FLG: variants seen among roughly 807,000 people sequenced by gnomAD.
FLG encodes the protein filaggrin.
A neutral mutation model predicts 3.8 loss-of-function variants in FLG; 6 were observed. The observed-to-expected ratio is 1.60, with a 90% confidence interval of 0.87 to 3.15. The LOEUF is 3.15. Among genes scored for constraint, FLG ranks in the 30% most tolerant of loss-of-function variants. The probability of loss-of-function intolerance (pLI) is 0.00; values close to 1 mark genes in which losing one functional copy is unlikely to be tolerated. For missense variants in FLG, 7,595 were observed against 5,050.9 expected (o/e 1.50, Z -15.27); for synonymous variants, 2,551 against 1,931.6 (o/e 1.32, Z -8.41).
In FLG at chr1:152,310,649, G is replaced by C. The variant is rs761586008; in HGVS notation, c.4237C>G (p.His1413Asp). 3.1e-6 allele frequency: 5 copies of C among 1,613,810 alleles called. No individual in the cohort carries two copies. The African/African-American group carries it at 5.3e-5, about 17-fold the overall frequency. Residue 1413 changes from histidine to aspartate, a missense_variant, in exon 3 of 3, where the codon CAC (histidine) becomes GAC (aspartate). His to Asp is a moderately conservative substitution (Grantham distance 81, BLOSUM62 -1). Transcript: ENST00000368799. ...EDSDTQSVSA[H>D]GQAGPHQQSH... ...TGCTGATGGGGCCCAGCTTGTCCGT[G>C]GGCTGACACTGACTGTGTGTCTGAG...
chr1:152,315,230 T>G, intron 2 of FLG, 89 bp downstream of exon 2: 1 of 1,237,844 alleles, frequency 8.1e-7, no homozygotes, highest in South Asian at 1.3e-5. Context: ...TTAAGAGAAA[T>G]AGTTCACAAA....
rs761914832 is a variant in FLG, at chr1:152,313,947, G to A, written c.939C>T (p.His313=). 1.6e-5 allele frequency: 26 copies of A among 1,613,558 alleles called. No individual in the cohort carries two copies. Among genetic ancestry groups the A allele is most frequent in the Non-Finnish European group, 2.1e-5 (25 of 1,179,900 alleles). ...GATGGTTTCTGGAAGCCGACCCAGA[G>A]TGCCTCTCAGAGTCTTCTGAGTGTC... is the stretch of plus-strand genomic sequence containing the variant. ...SEGHSEDSER[H]SGSASRNHHG... is the part of the protein sequence containing the mutation. The change falls in exon 3 of 3, where the codon CAC becomes CAT. Residue 313 remains histidine (H), a synonymous_variant. Coordinates refer to ENST00000368799, the MANE Select transcript of FLG (RefSeq NM_002016.2).
rs1055862518 is a variant in FLG at position 152,314,483 on chromosome 1, T to G, written c.403A>C (p.Lys135Gln). 1.2e-6 allele frequency: 2 copies of G among 1,613,740 alleles called. No individual in the cohort carries two copies. The highest frequency in any genetic ancestry group is 1.7e-5 in the Admixed American group (1 of 60,014). Residue 135 changes from lysine to glutamine, a missense_variant, in exon 3 of 3, where the codon AAA becomes CAA. Physicochemically the swap from Lys to Gln is moderately conservative, Grantham distance 53. Coordinates refer to ENST00000368799, the MANE Select transcript of FLG (RefSeq NM_002016.2). ...PSSLERRNNR[K>Q]GNKGRSKSPR... ...CTCTTGGATCTTCCCTTATTCCCTTTTCTATTGTTTCTTCTTTCCAGACTT... is the reference window on the plus strand; with the variant it reads ...CTCTTGGATCTTCCCTTATTCCCTTGTCTATTGTTTCTTCTTTCCAGACTT...
chr1:152,313,020 G>A lies in FLG; in HGVS notation c.1866C>T (p.Ser622=), dbSNP rs1557880980. The part of the protein sequence containing the change: ...RTSRNQGSSV[S]QDSDSQGHSE... ...AGTGTCCCTGACTGTCACTGTCCTG[G>A]CTAACACTGGATCCCTGGTTCCTAC... Residue 622 remains serine, a synonymous_variant, in exon 3 of 3, where the codon AGC becomes AGT. Coordinates refer to ENST00000368799, the MANE Select transcript of FLG (RefSeq NM_002016.2). The A allele has an allele frequency of 2.5e-6, 4 of 1,613,942 alleles. No individual in the cohort carries two copies. The East Asian group carries it at 8.9e-5, about 36-fold the overall frequency.
chr1:152,309,800 C>T lies in FLG; in HGVS notation c.5086G>A (p.Gly1696Ser), dbSNP rs144090343. ...QQSADSSTDS[G>S]TGRRQDSSVV... ...GATGAATCTTGTCTGCGCCCAGTGCCTGAGTCTGTGGAGCTGTCTGCTGAC... is the reference window on the plus strand; with the variant it reads ...GATGAATCTTGTCTGCGCCCAGTGCTTGAGTCTGTGGAGCTGTCTGCTGAC... The change falls in exon 3 of 3, where the codon GGC becomes AGC. Residue 1696 changes from glycine to serine, a missense_variant. Coordinates refer to ENST00000368799, the MANE Select transcript of FLG (RefSeq NM_002016.2). The T allele has an allele frequency of 3.1e-6, 5 of 1,613,892 alleles. No homozygotes were observed. The African/African-American group carries it at 4.0e-5, about 13-fold the overall frequency.
chr1:152,310,354 C>T lies in FLG; in HGVS notation c.4532G>A (p.Arg1511Lys). The change falls in exon 3 of 3, where the codon AGG becomes AAG. Residue 1511 changes from arginine (R) to lysine (K), a missense_variant. Coordinates refer to ENST00000368799, the MANE Select transcript of FLG (RefSeq NM_002016.2). ...QGSYHEQSVD[R>K]SGHSGYHHSH... is the part of the protein sequence containing the mutation. ...GTGATGGTACCCTGAGTGTCCAGACCTATCTACTGATTGCTCGTGGTAGGA... is the reference window on the plus strand; with the variant it reads ...GTGATGGTACCCTGAGTGTCCAGACTTATCTACTGATTGCTCGTGGTAGGA... 1 of 1,613,930 alleles carries T rather than the reference C, an allele frequency of 6.2e-7. No individual in the cohort carries two copies. Among genetic ancestry groups the T allele is most frequent in the Non-Finnish European group, 8.5e-7 (1 of 1,180,014 alleles).
chr1:152,315,421 A>C lies in FLG; in HGVS notation c.36T>G (p.Ile12Met). Reference sequence around the variant, plus strand: ...TTTTTGAATATTGCTTGAAAAGATTAATTATGGCAAAGATGTTTTCCAGGA... The same window carrying C: ...TTTTTGAATATTGCTTGAAAAGATTCATTATGGCAAAGATGTTTTCCAGGA... Reference protein sequence around the residue: ...STLLENIFAIINLFKQYSKKD... With the variant: ...STLLENIFAIMNLFKQYSKKD... Residue 12 changes from isoleucine to methionine, a missense_variant, in exon 2 of 3, where the codon ATT (isoleucine) becomes ATG (methionine). Ile to Met is a conservative substitution (Grantham distance 10). Transcript: ENST00000368799. 1 of 1,612,076 alleles carries C rather than the reference A, an allele frequency of 6.2e-7. No individual in the cohort carries two copies. The highest frequency in any genetic ancestry group is 1.1e-5 in the South Asian group (1 of 90,730).
rs776663412 is a variant in FLG, at chr1:152,313,226, T to G, written c.1660A>C (p.Arg554=). ...SHHSHTTSQG[R]SDASHGQSGS... ...GACTGCCCATGGGAGGCATCAGACC[T>G]TCCCTGGGATGTGGTGTGGCTGTGA... The change falls in exon 3 of 3, where the codon AGG becomes CGG. Residue 554 remains arginine (R), a synonymous_variant. Transcript: ENST00000368799. 9.9e-6 allele frequency: 16 copies of G among 1,613,776 alleles called. No homozygotes were observed. In the African/African-American group the frequency reaches 1.1e-4, roughly 11 times the overall value.
chr1:152,307,471 C>A lies in FLG; in HGVS notation c.7415G>T (p.Gly2472Val), dbSNP rs1652054363. ...IHGHPGSSSG[G>V]RQGSHYEQLV... Reference sequence around the variant, plus strand: ...TTGCTCGTAGTGGGATCCCTGCCTTCCTCCACTGCTTGACCCCGGGTGTCC... The same window carrying A: ...TTGCTCGTAGTGGGATCCCTGCCTTACTCCACTGCTTGACCCCGGGTGTCC... The change falls in exon 3 of 3, where the codon GGA becomes GTA. Residue 2472 changes from glycine (G) to valine (V), a missense_variant. By Grantham distance (109) the Gly-to-Val change is moderately radical (BLOSUM62 -3). Transcript: ENST00000368799. 1 of 1,613,298 alleles carries A rather than the reference C, an allele frequency of 6.2e-7. No homozygotes were observed. The highest frequency in any genetic ancestry group is 8.5e-7 in the Non-Finnish European group (1 of 1,179,736).
In FLG at chr1:152,302,308, G is replaced by A. The variant is rs1176757525; in HGVS notation, c.*392C>T. 1 of 227,340 alleles carries A rather than the reference G, an allele frequency of 4.4e-6. No individual in the cohort carries two copies. The highest frequency in any genetic ancestry group is 2.3e-5 in the African/African-American group (1 of 42,720). 14.1% of individuals were successfully genotyped at this position (227,340 alleles called of 1,614,324 possible). ...ATGTGCTAGCCCTGATGTTGATATA[G>A]CCACTTTGGTATACAGAACTGTTTT... On this transcript the variant is annotated 3_prime_UTR_variant, in exon 3 of 3. Transcript: ENST00000368799.
rs1489671733 is a variant in FLG, at chr1:152,304,103, A to G, written c.10783T>C (p.Ser3595Pro). Residue 3595 changes from serine to proline, a missense_variant, in exon 3 of 3, where the codon TCC becomes CCC. By Grantham distance (74) the Ser-to-Pro change is moderately conservative (BLOSUM62 -1). Coordinates refer to ENST00000368799, the MANE Select transcript of FLG (RefSeq NM_002016.2). ...GCATGATGAGTGCCTGATTGTCTGG[A>G]GCTCTCTGCAGAGTGCCCGTGACCG... ...RAGHGHSAES[S>P]RQSGTHHAEN... 4 of 1,607,086 alleles carry G rather than the reference A, an allele frequency of 2.5e-6. No individual in the cohort carries two copies. The African/African-American group carries it at 4.1e-5, about 16-fold the overall frequency.
At position 152,312,611 on chromosome 1, in the gene FLG, T is replaced by G. The variant is rs1256793652; in HGVS notation, c.2275A>C (p.Thr759Pro). The G allele has an allele frequency of 6.2e-7, 1 of 1,613,674 alleles. No homozygotes were observed. The highest frequency in any genetic ancestry group is 8.5e-7 in the Non-Finnish European group (1 of 1,179,962). ...DSEGHSEDSD[T>P]QSVSGHGQAG... ...TGTCCATGGCCTGACACTGACTGTG[T>G]GTCTGAGTCTTCTGAATGTCCCTCA... Residue 759 changes from threonine to proline, a missense_variant, in exon 3 of 3, where the codon ACA (threonine) becomes CCA (proline). Coordinates refer to ENST00000368799, the MANE Select transcript of FLG (RefSeq NM_002016.2).
chr1:152,302,288 C>G lies in FLG; in HGVS notation c.*412G>C, dbSNP rs1190082451. The G allele has an allele frequency of 4.9e-6, 1 of 203,934 alleles. No individual in the cohort carries two copies. Among genetic ancestry groups the G allele is most frequent in the Admixed American group, 5.3e-5 (1 of 18,866 alleles). The allele number at this position is 203,934 out of a possible 1,614,324, so 12.6% of individuals were successfully genotyped here. On this transcript the variant is annotated 3_prime_UTR_variant, in exon 3 of 3. Coordinates refer to ENST00000368799, the MANE Select transcript of FLG (RefSeq NM_002016.2). Reference sequence around the variant, plus strand: ...TAGAAGGATAATAGAGAAAGATGTGCTAGCCCTGATGTTGATATAGCCACT... The same window carrying G: ...TAGAAGGATAATAGAGAAAGATGTGGTAGCCCTGATGTTGATATAGCCACT...
chr1:152,308,918 C>A lies in FLG; in HGVS notation c.5968G>T (p.Ala1990Ser), dbSNP rs776726540. The change falls in exon 3 of 3, where the codon GCT becomes TCT. Residue 1990 changes from alanine (A) to serine (S), a missense_variant. By Grantham distance (99) the Ala-to-Ser change is moderately conservative. Coordinates refer to ENST00000368799, the MANE Select transcript of FLG (RefSeq NM_002016.2). ...RHTESSSRGQAASSHEQARSS... is the reference protein window; with the variant it reads ...RHTESSSRGQSASSHEQARSS... Reference sequence around the variant, plus strand: ...CTTGCCTGTTCATGGGATGACGCAGCCTGTCCACGAGAGGAAGACTCTGTG... The same window carrying A: ...CTTGCCTGTTCATGGGATGACGCAGACTGTCCACGAGAGGAAGACTCTGTG... The A allele has an allele frequency of 4.3e-6, 7 of 1,614,034 alleles. No individual in the cohort carries two copies. Among genetic ancestry groups the A allele is most frequent in the South Asian group, 2.2e-5 (2 of 91,088 alleles).
rs531165708 is a variant in FLG at position 152,305,434 on chromosome 1, G to A, written c.9452C>T (p.Ala3151Val). ...TCTGGATCCTGACTGCCCACGGGAG[G>A]CATCAGACCTTCCCTGGGATGTGGT... The part of the protein sequence containing the change: ...SHTTSQGRSD[A>V]SRGQSGSRSA... The change falls in exon 3 of 3, where the codon GCC becomes GTC. Residue 3151 changes from alanine (A) to valine (V), a missense_variant. Transcript: ENST00000368799. 1.7e-5 allele frequency: 27 copies of A among 1,597,604 alleles called. No individual in the cohort carries two copies. The highest frequency in any genetic ancestry group is 1.7e-4 in the Middle Eastern group (1 of 5,870).
At position 152,305,548 on chromosome 1, in the gene FLG, T is replaced by C. The variant is rs770589633; in HGVS notation, c.9338A>G (p.His3113Arg). The C allele has an allele frequency of 6.6e-7, 1 of 1,517,584 alleles. No homozygotes were observed. Among genetic ancestry groups the C allele is most frequent in the South Asian group, 1.2e-5 (1 of 81,590 alleles). The allele number at this position is 1,517,584 out of a possible 1,614,324, so 94.0% of individuals were successfully genotyped here. A position where few individuals can be genotyped will look rare whatever the true frequency, so the allele number is the denominator to read the frequency against. Reference protein sequence around the residue: ...SQYGQDTIRGHPGSSRGGRQG... With the variant: ...SQYGQDTIRGRPGSSRGGRQG... ...CCTTCCTCCTCTGCTTGACCCCGGG[T>C]GTCCACGAATGGTGTCCTGACCGTA... Residue 3113 changes from histidine (H) to arginine (R), a missense_variant, in exon 3 of 3, where the codon CAC becomes CGC. Coordinates refer to ENST00000368799, the MANE Select transcript of FLG (RefSeq NM_002016.2).
rs146466242 is a variant in FLG, at chr1:152,302,822, T to C, written c.12064A>G (p.Lys4022Glu). ...SDICKASAFG[K>E]DHPRYYATYI... ...GTTGCATAATACCTTGGATGATCTT[T>C]ACCAAACGCACTTGCTTTACAGATA... The change falls in exon 3 of 3, where the codon AAA (lysine) becomes GAA (glutamate). Residue 4022 changes from lysine (K) to glutamate (E), a missense_variant. Coordinates refer to ENST00000368799, the MANE Select transcript of FLG (RefSeq NM_002016.2). 1.9e-6 allele frequency: 3 copies of C among 1,614,234 alleles called. No individual in the cohort carries two copies. The Admixed American group carries it at 5.0e-5, about 27-fold the overall frequency.
In FLG at chr1:152,309,146, G is replaced by C. The variant is rs777116132; in HGVS notation, c.5740C>G (p.Gln1914Glu). 1.1e-5 allele frequency: 17 copies of C among 1,613,532 alleles called. No homozygotes were observed. Among genetic ancestry groups the C allele is most frequent in the Non-Finnish European group, 1.4e-5 (16 of 1,179,672 alleles). ...QSSGPRTSRNQGSSVSQDSDS... is the reference protein window; with the variant it reads ...QSSGPRTSRNEGSSVSQDSDS... ...CTGTCCTGGCTAACACTGGATCCCT[G>C]GTTCCTGCTTGTCCTGGGCCCTGAT... Residue 1914 changes from glutamine to glutamate, a missense_variant, in exon 3 of 3, where the codon CAG becomes GAG. Coordinates refer to ENST00000368799, the MANE Select transcript of FLG (RefSeq NM_002016.2).
In FLG at chr1:152,309,119, C is replaced by T. The variant is rs751711170; in HGVS notation, c.5767G>A (p.Asp1923Asn). 1.2e-6 allele frequency: 2 copies of T among 1,613,860 alleles called. No individual in the cohort carries two copies. Among genetic ancestry groups the T allele is most frequent in the Non-Finnish European group, 8.5e-7 (1 of 1,179,746 alleles). ...NQGSSVSQDS[D>N]SQGHSEDSER... ...GAGTCTTCTGAGTGTCCCTGACTGT[C>T]ACTGTCCTGGCTAACACTGGATCCC... The change falls in exon 3 of 3, where the codon GAC (aspartate) becomes AAC (asparagine). Residue 1923 changes from aspartate to asparagine, a missense_variant. Physicochemically the swap from Asp to Asn is conservative, Grantham distance 23. Transcript: ENST00000368799.
Sources: gnomAD v4.1 joint callset for allele counts on GRCh38, gnomAD v4.1.1 for gene constraint, MANE v1.5 for transcripts, NCBI Gene and HGNC (gene_info 2026-07-23, HGNC 2026-07-21) for gene names.